DPP6: variants seen among roughly 807,000 people sequenced by gnomAD.
The protein encoded by DPP6 is dipeptidyl peptidase like 6.
Under a neutral mutation model 122.6 loss-of-function variants are expected in DPP6, and 69 were observed. That is an observed-to-expected ratio of 0.56 (90% CI 0.46 to 0.69). The LOEUF (loss-of-function observed/expected upper bound fraction) is 0.69. DPP6 is among the 30% of genes least tolerant of loss of function. DPP6 has a pLI of 0.00. For synonymous variants in DPP6, 418 were observed against 433.1 expected (o/e 0.97, Z 0.43); for missense variants, 928 against 1,116.9 (o/e 0.83, Z 2.41).
At chr7:153,992,735 C>T (rs1224643704) in intron 1 of DPP6, among the ~76,000 whole-genome samples, 1 of 152,182 alleles carries the variant, frequency 6.6e-6, no homozygotes, top group Non-Finnish European at 1.5e-5. Context: ...CCCTCTTCTC[C>T]TACATGCAAT....
intron 2 of DPP6, among the ~76,000 whole-genome samples, chr7:154,448,267 C>G (rs571086507): frequency 6.6e-6 from 1 of 152,210 alleles, no homozygotes; most frequent in East Asian, 1.9e-4. Flanking sequence ...AAATCATTTG[C>G]ATTTTTAGCC....
intron 1 of DPP6, among the ~76,000 whole-genome samples, chr7:154,067,566 G>A (rs1327466103): frequency 2.6e-5 from 4 of 152,116 alleles, no homozygotes; most frequent in Non-Finnish European, 5.9e-5. Context: ...TCGGAGATGG[G>A]CAGGGCACCA....
At chr7:153,859,283 C>G in the DPP6 span, among the ~76,000 whole-genome samples, 1 of 152,110 alleles carries the variant, frequency 6.6e-6, no homozygotes, top group East Asian at 1.9e-4. Context: ...AGAAAGGATA[C>G]GGGCTTGGCT....
At chr7:154,354,619 T>C (rs1332049525) in intron 1 of DPP6, among the ~76,000 whole-genome samples, 3 of 152,238 alleles carry the variant, frequency 2.0e-5, no homozygotes, top group African/African-American at 7.2e-5. Context: ...TGGCTTGCTT[T>C]GGAACCCTGT....
At chr7:153,971,220 C>G (rs909366120) in intron 1 of DPP6, among the ~76,000 whole-genome samples, 16 of 151,986 alleles carry the variant, frequency 1.1e-4, no homozygotes, top group Non-Finnish European at 1.9e-4. Flanking sequence ...GAATTTTTAA[C>G]TTACTATTTC....
At chr7:154,864,615 C>A (rs1803694605) in intron 17 of DPP6, among the ~76,000 whole-genome samples, 1 of 152,218 alleles carries the variant, frequency 6.6e-6, no homozygotes, top group Non-Finnish European at 1.5e-5. Flanking sequence ...ATTATGGGAA[C>A]AAATAAAATG....
chr7:154,249,098 A>G (rs1039660847), intron 1 of DPP6, among the ~76,000 whole-genome samples: 1 of 152,232 alleles, frequency 6.6e-6, no homozygotes, highest in South Asian at 2.1e-4. Context: ...TTGAAAACTC[A>G]CGGTGGGGCT....
intron 1 of DPP6, among the ~76,000 whole-genome samples, chr7:154,386,417 AG>A (rs1446283497): frequency 6.6e-6 from 1 of 151,998 alleles, no homozygotes; most frequent in East Asian, 1.9e-4. Context: ...AGATGCTTGA[AG>A]GGAAAGGATT....
Position 154,782,823 on chromosome 7 carries a change from G to A in DPP6, c.1136+9881G>A, listed in dbSNP as rs571777245. Among the ~76,000 whole-genome samples, 107 of 151,960 alleles carry A rather than the reference G, an allele frequency of 7.0e-4. 1 individual carries two copies. In the South Asian group the frequency reaches 0.02, roughly 29 times the overall value. ...TTTTGAGACAGAGCCTCGCTCTGTC[G>A]CCCAGGTTGGAGTGCAGTGGCATGA... On this transcript the variant is annotated intron_variant, in intron 10 of 25. Transcript: ENST00000377770.
chr7:154,736,994 C>T (rs778862079), intron 8 of DPP6, among the ~76,000 whole-genome samples: 1 of 152,100 alleles, frequency 6.6e-6, no homozygotes, highest in Non-Finnish European at 1.5e-5. Context: ...ACGTTTTATC[C>T]CCAAGGATAA....
At chr7:154,685,611 C>A (rs559630226) in intron 7 of DPP6, among the ~76,000 whole-genome samples, 20 of 152,224 alleles carry the variant, frequency 1.3e-4, no homozygotes, top group Non-Finnish European at 2.9e-5. Flanking sequence ...AATATAGAAT[C>A]TCTTAGATTA....
intron 1 of DPP6, among the ~76,000 whole-genome samples, chr7:154,406,882 G>A (rs1816162147): frequency 6.6e-6 from 1 of 152,174 alleles, no homozygotes. Context: ...TTTGGATCAT[G>A]ACCACACATC....
In DPP6 at chr7:154,847,509, T is replaced by A. The variant is rs184713909; in HGVS notation, c.1667-6271T>A. Among the ~76,000 whole-genome samples, 434 of 152,280 alleles carry A rather than the reference T, an allele frequency of 2.9e-3. 3 individuals carry two copies. The highest frequency in any genetic ancestry group is 0.01 in the African/African-American group (424 of 41,558). The stretch of plus-strand genomic sequence containing the variant: ...TATTGTTTTCCCCATATTCTTTTAT[T>A]TTGTTTGGTTTGGGGCTCTTTCATT... On this transcript the variant is annotated intron_variant, in intron 16 of 25. Transcript: ENST00000377770.
intron 21 of DPP6, among the ~76,000 whole-genome samples, chr7:154,883,250 TCACC>T (rs1474419007): frequency 7.5e-6 from 1 of 133,266 alleles, no homozygotes; most frequent in African/African-American, 3.0e-5. Context: ...TCACACACGC[TCACC>T]CATACACCTG....
At position 154,715,035 on chromosome 7, in the gene DPP6, C is replaced by CTATTT. The variant is rs199906067; in HGVS notation, c.763-12718_763-12714dup. Among the ~76,000 whole-genome samples the CTATTT allele has an allele frequency of 2.9e-3, 296 of 102,816 alleles. No individual in the cohort carries two copies. The South Asian group carries it at 0.036, about 12-fold the overall frequency. The allele number at this position is 102,816 out of a possible 152,430, so 67.5% of individuals were successfully genotyped here. On this transcript the variant is annotated intron_variant, in intron 7 of 25. Coordinates refer to ENST00000377770, the MANE Select transcript of DPP6 (RefSeq NM_130797.4). ...AGAAGAAGAAGGACTAATATGATAA[C>CTATTT]TATTTTATTTTATTTTATCTTATCT...
chr7:154,571,543 G>A (rs1429560217), intron 5 of DPP6, among the ~76,000 whole-genome samples: 2 of 152,098 alleles, frequency 1.3e-5, no homozygotes, highest in African/African-American at 2.4e-5. Flanking sequence ...ATTCTTCCTT[G>A]AAGAATCATT....
In DPP6 at chr7:154,739,554, A is replaced by G. The variant is rs1454256869; in HGVS notation, c.883+11667A>G. On this transcript the variant is annotated intron_variant, in intron 8 of 25. Coordinates refer to ENST00000377770, the MANE Select transcript of DPP6 (RefSeq NM_130797.4). ...TGCCATGTCCCCCATGGAATCATCA[A>G]TATGGCAACTTGGGAAGCGTATTCC... 5.3e-5 allele frequency among the ~76,000 whole-genome samples: 8 copies of G among 152,336 alleles called. No homozygotes were observed. The East Asian group carries it at 9.6e-4, about 18-fold the overall frequency.
At chr7:153,889,045 C>A (rs1295925938) in intron 1 of DPP6, among the ~76,000 whole-genome samples, 3 of 152,166 alleles carry the variant, frequency 2.0e-5, no homozygotes, top group African/African-American at 7.2e-5. Flanking sequence ...CAGAGAGAAG[C>A]GCCGTGGGTT....
Position 154,793,426 on chromosome 7 carries a change from C to T in DPP6, c.1137-653C>T, listed in dbSNP as rs76729752. On this transcript the variant is annotated intron_variant, in intron 10 of 25. Coordinates refer to ENST00000377770, the MANE Select transcript of DPP6 (RefSeq NM_130797.4). The stretch of plus-strand genomic sequence containing the variant: ...GTACCCCTCGGGCTAAGTAGAGAGC[C>T]GCACAGAGCCTGTGGTAGTTTCAGG... Among the ~76,000 whole-genome samples, 285 of 152,192 alleles carry T rather than the reference C, an allele frequency of 1.9e-3. 1 individual carries two copies. Among genetic ancestry groups the T allele is most frequent in the African/African-American group, 6.4e-3 (266 of 41,508 alleles).
Sources: allele counts gnomAD v4.1 joint callset (sites outside exome capture counted in the v4.1 genomes callset), GRCh38; gene constraint gnomAD v4.1.1; transcripts MANE v1.5; gene names NCBI Gene and HGNC (gene_info 2026-07-23, HGNC 2026-07-21).